MACF1: variants seen among roughly 807,000 people sequenced by gnomAD.
MACF1 encodes microtubule actin crosslinking factor 1, also known as microtubule-actin cross-linking factor 1.
A neutral mutation model predicts 854.8 loss-of-function variants in MACF1; 193 were observed. The observed-to-expected ratio is 0.23, with a 90% CI of 0.20 to 0.25. The LOEUF is 0.25. Ranked by LOEUF, MACF1 falls within the 10% of genes least tolerant of loss-of-function variation. MACF1 has a pLI of 1.00. For missense variants in MACF1, 7,722 were observed against 8,929.1 expected (o/e 0.86, Z 5.45); for synonymous variants, 3,185 against 3,226.7 (o/e 0.99, Z 0.44).
At chr1:39,097,324 G>C (rs866235219) in intron 2 of MACF1, among the ~76,000 whole-genome samples, 1 of 152,088 alleles carries the variant, frequency 6.6e-6, no homozygotes, top group African/African-American at 2.4e-5. Context: ...AGCATATCTG[G>C]TTCTGTTCTG....
intron 2 of MACF1, among the ~76,000 whole-genome samples, chr1:39,170,454 T>C (rs1223015441): frequency 6.6e-6 from 1 of 152,000 alleles, no homozygotes; most frequent in Non-Finnish European, 1.5e-5. Context: ...ATCCCAGCAA[T>C]AAACAACACA....
At position 39,378,455 on chromosome 1, in the gene MACF1, G is replaced by C. The variant is rs761943060; in HGVS notation, c.13214-6G>C. 2.5e-6 allele frequency: 4 copies of C among 1,613,132 alleles called. No homozygotes were observed. Among genetic ancestry groups the C allele is most frequent in the Non-Finnish European group, 3.4e-6 (4 of 1,179,230 alleles). ...GCCCTGTTTGTCTCCCTGTCCTTCT[G>C]CTCAGGTTCCATACTGCCCTCTGTA... On this transcript the variant is annotated splice_polypyrimidine_tract_variant and splice_region_variant and intron_variant, in intron 52 of 100. Transcript: ENST00000564288.
chr1:39,468,761 G>T (rs1453448015), intron 96 of MACF1, 29 bp downstream of exon 96: 2 of 1,570,272 alleles, frequency 1.3e-6, no homozygotes, highest in Admixed American at 1.7e-5. Context: ...CATGAATTAC[G>T]TGTTAGGTAT....
Position 39,433,119 on chromosome 1 carries a change from T to G in MACF1, c.17529T>G (p.Phe5843Leu), listed in dbSNP as rs371189732. The G allele has an allele frequency of 3.6e-5, 58 of 1,612,204 alleles. No individual in the cohort carries two copies. Among genetic ancestry groups the G allele is most frequent in the Non-Finnish European group, 4.6e-5 (54 of 1,178,888 alleles). The change falls in exon 68 of 101, where the codon TTT (phenylalanine) becomes TTG (leucine). Residue 5843 changes from phenylalanine to leucine, a missense_variant. Phe to Leu is a conservative substitution (Grantham distance 22). Around this residue, in one of 15 missense-constraint regions of MACF1, gnomAD observed 2,807 missense variants for 3,235.8 expected, o/e 0.87. Transcript: ENST00000564288. ...DELFSHRSEIFGTCGEEQKTV... is the reference protein window; with the variant it reads ...DELFSHRSEILGTCGEEQKTV... ...TCTTCAGTCACCGTAGTGAAATCTT[T>G]GGCACATGTGGGGAGGAGCAAAAAA...
At chr1:39,292,573 C>T (rs930006443) in intron 16 of MACF1, among the ~76,000 whole-genome samples, 193 bp from the exon 17 acceptor site, 5 of 152,190 alleles carry the variant, frequency 3.3e-5, no homozygotes, top group Admixed American at 2.0e-4. Context: ...AATTACCCTG[C>T]TCAACTGTTG....
At chr1:39,394,729 T>C (rs181377310) in intron 58 of MACF1, among the ~76,000 whole-genome samples, 4 of 152,316 alleles carry the variant, frequency 2.6e-5, no homozygotes, top group African/African-American at 9.6e-5. Flanking sequence ...TATCAGCTCA[T>C]GTACGTTTTT....
Position 39,414,205 on chromosome 1 carries a change from C to G in MACF1, c.15817-8169C>G, listed in dbSNP as rs771596283. 14 of 1,613,758 alleles carry G rather than the reference C, an allele frequency of 8.7e-6. No homozygotes were observed. In the African/African-American group the frequency reaches 1.7e-4, roughly 20 times the overall value. On this transcript the variant is annotated intron_variant, in intron 58 of 100. Transcript: ENST00000564288. ...GGCTGCCATCCCTGCTGCTTCAGTG[C>G]CCACCCCAGAGGTGCCTGCCATCCC...
chr1:39,111,722 T>A (rs1642411701), intron 2 of MACF1, among the ~76,000 whole-genome samples: 1 of 152,166 alleles, frequency 6.6e-6, no homozygotes. Flanking sequence ...TTGCAATGTT[T>A]TCTAGGCTAG....
intron 36 of MACF1, among the ~76,000 whole-genome samples, chr1:39,328,897 T>C (rs1412436358): frequency 1.3e-5 from 2 of 152,204 alleles, no homozygotes; most frequent in African/African-American, 2.4e-5. Context: ...TCTCTTTGGC[T>C]ACACTGCAGG....
rs915952581 is a variant in MACF1, at chr1:39,424,255, T to C, written c.16316+61T>C. 4.9e-6 allele frequency: 7 copies of C among 1,437,958 alleles called. No homozygotes were observed. In the African/African-American group the frequency reaches 5.7e-5, roughly 12 times the overall value. The allele number at this position is 1,437,958 out of a possible 1,614,324, so 89.1% of individuals were successfully genotyped here. A position where few individuals can be genotyped will look rare whatever the true frequency, so the allele number is the denominator to read the frequency against. On this transcript the variant is annotated intron_variant, in intron 61 of 100. Transcript: ENST00000564288. Reference sequence around the variant, plus strand: ...GTTTGTTTTGTTCTTCTTCGACTTATTATCACTATAAGTTCTTGGATGATT... The same window carrying C: ...GTTTGTTTTGTTCTTCTTCGACTTACTATCACTATAAGTTCTTGGATGATT...
At chr1:39,377,310 C>T (rs1413984672) in intron 52 of MACF1, among the ~76,000 whole-genome samples, 1 of 152,162 alleles carries the variant, frequency 6.6e-6, no homozygotes, top group Non-Finnish European at 1.5e-5. Flanking sequence ...CCGCGCCCGG[C>T]CAACTATTTT....
At position 39,332,018 on chromosome 1, in the gene MACF1, A is replaced by T. The variant is rs144439100; in HGVS notation, c.5430A>T (p.Thr1810=). 21 of 1,614,022 alleles carry T rather than the reference A, an allele frequency of 1.3e-5. No individual in the cohort carries two copies. The African/African-American group carries it at 2.8e-4, about 22-fold the overall frequency. ...CTATCCTCATAAGGCAGCTTCAGAC[A>T]GGAGGCATCATAGACACTGTCACGG... ...ACAILIRQLQ[T]GGIIDTVTGQ... The change falls in exon 37 of 101, where the codon ACA becomes ACT. Residue 1810 remains threonine, a synonymous_variant. Coordinates refer to ENST00000564288, the MANE Select transcript of MACF1 (RefSeq NM_001394062.1).
At chr1:39,126,799 C>G (rs1642870249) in intron 2 of MACF1, among the ~76,000 whole-genome samples, 2 of 151,554 alleles carry the variant, frequency 1.3e-5, no homozygotes, top group Admixed American at 1.3e-4. Flanking sequence ...AAAAAAAAAC[C>G]ACACAAAAAA....
chr1:39,209,166 G>T (rs1248926217), intron 1 of MACF1, among the ~76,000 whole-genome samples: 1 of 149,308 alleles, frequency 6.7e-6, no homozygotes, highest in East Asian at 2.0e-4. Flanking sequence ...GTTGCAGTGA[G>T]CCGAGATCTC....
At chr1:39,129,941 A>C (rs1423408486) in intron 2 of MACF1, among the ~76,000 whole-genome samples, 1 of 152,146 alleles carries the variant, frequency 6.6e-6, no homozygotes, top group South Asian at 2.1e-4. Flanking sequence ...ATGGAGTTTG[A>C]TGGTTTTAAC....
intron 2 of MACF1, among the ~76,000 whole-genome samples, chr1:39,167,162 A>G (rs1286844688): frequency 6.6e-6 from 1 of 151,520 alleles, no homozygotes; most frequent in Non-Finnish European, 1.5e-5. Flanking sequence ...GGGTCTTGCC[A>G]TGTTGGCCAG....
At position 39,458,443 on chromosome 1, in the gene MACF1, T is replaced by C. The variant is rs769271746; in HGVS notation, c.21149T>C (p.Ile7050Thr). 3 of 1,614,062 alleles carry C rather than the reference T, an allele frequency of 1.9e-6. No individual in the cohort carries two copies. The highest frequency in any genetic ancestry group is 1.7e-6 in the Non-Finnish European group (2 of 1,179,996). The change falls in exon 90 of 101, where the codon ATA (isoleucine) becomes ACA (threonine). Residue 7050 changes from isoleucine to threonine, a missense_variant. Coordinates refer to ENST00000564288, the MANE Select transcript of MACF1 (RefSeq NM_001394062.1). The stretch of plus-strand genomic sequence containing the variant: ...ACCAAGACATACAAAAGGAAAAACA[T>C]AGAGCCTACTCACGCGCCTTTCATA... ...RVTKTYKRKN[I>T]EPTHAPFIEK...
At chr1:39,257,118 C>T (rs1364355936) in intron 5 of MACF1, among the ~76,000 whole-genome samples, 2 of 152,188 alleles carry the variant, frequency 1.3e-5, no homozygotes, top group African/African-American at 4.8e-5. Flanking sequence ...AAAACCTGCA[C>T]ATGAATATTC....
rs77821919 is a variant in MACF1 at position 39,163,402 on chromosome 1, T to A, written c.221-67780T>A. Among the ~76,000 whole-genome samples, 477 of 149,692 alleles carry A rather than the reference T, an allele frequency of 3.2e-3. 2 individuals are homozygous for A. Among genetic ancestry groups the A allele is most frequent in the Middle Eastern group, 0.024 (7 of 290 alleles). ...AAGAAACTCCATAGTCATTTTATAG[T>A]CATACCTAATTTTTGGTCAAAAGAT... On this transcript the variant is annotated intron_variant, in intron 2 of 93. Coordinates refer to the MACF1 transcript ENST00000361689.
Sources: allele counts gnomAD v4.1 joint callset (sites outside exome capture counted in the v4.1 genomes callset), GRCh38; gene constraint gnomAD v4.1.1; regional missense constraint gnomAD v4.1.1; transcripts MANE v1.5; gene names NCBI Gene and HGNC (gene_info 2026-07-23, HGNC 2026-07-21).